Variants in KIN observed in about 807,000 individuals in gnomAD.
KIN encodes DNA/RNA-binding protein KIN17.
A neutral mutation model predicts 63.0 loss-of-function variants in KIN; 47 were observed. That is an observed-to-expected ratio of 0.75 (90% CI 0.59 to 0.95). The LOEUF (loss-of-function observed/expected upper bound fraction) is 0.95, where lower values mean the gene tolerates loss of function less well. KIN is among the 40% of genes least tolerant of loss of function. The pLI is 0.00. For synonymous variants in KIN, 160 were observed against 157.7 expected (o/e 1.01, Z -0.11); for missense variants, 408 against 460.9 (o/e 0.89, Z 1.05).
At chr10:7,756,387 A>T (rs7073356) in intron 12 of KIN, among the ~76,000 whole-genome samples, 125,959 of 152,224 alleles carry the variant, frequency 0.83, 52,212 homozygotes, top group East Asian at 0.87. Flanking sequence ...AGAGACCTGC[A>T]AGCTGTTCAG....
At chr10:7,759,864 TTC>T (rs762440681) in intron 12 of KIN, 24 bp downstream of exon 12, 1 of 1,120,890 alleles carries the variant, frequency 8.9e-7, no homozygotes, top group Admixed American at 2.1e-5. Flanking sequence ...ATTTTGAAAT[TTC>T]TGTCTTTGTG....
Position 7,752,871 on chromosome 10 carries a change from A to G in KIN, c.*3209T>C, listed in dbSNP as rs1010098832. ...TCCAACTATATGACCTTCGATGGAG[A>G]CAAAACTAGGGAGACAGTAAAAAGA... On this transcript the variant is annotated 3_prime_UTR_variant, in exon 13 of 13. Transcript: ENST00000379562. 5.9e-5 allele frequency: 9 copies of G among 152,224 alleles called. No homozygotes were observed. The highest frequency in any genetic ancestry group is 2.2e-4 in the African/African-American group (9 of 41,456). The allele number at this position is 152,224 out of a possible 1,614,324, so 9.4% of individuals were successfully genotyped here.
At chr10:7,786,500 C>G (rs1836010589) in intron 1 of KIN, among the ~76,000 whole-genome samples, 1 of 151,858 alleles carries the variant, frequency 6.6e-6, no homozygotes, top group Non-Finnish European at 1.5e-5. Flanking sequence ...CCCTAACCCC[C>G]AAGGGAATGG....
intron 8 of KIN, 102 bp downstream of exon 8, chr10:7,769,114 G>A (rs935011838): frequency 1.4e-5 from 16 of 1,120,228 alleles, no homozygotes; most frequent in African/African-American, 1.4e-4. Context: ...TCCCTAGTCC[G>A]TACATGATAA....
At chr10:7,784,506 T>C (rs1171786757) in intron 1 of KIN, among the ~76,000 whole-genome samples, 1 of 151,988 alleles carries the variant, frequency 6.6e-6, no homozygotes, top group Non-Finnish European at 1.5e-5. Flanking sequence ...GAGGATTGCT[T>C]AAGCCCAGGA....
chr10:7,771,176 G>A (rs913823028), intron 7 of KIN, among the ~76,000 whole-genome samples: 3 of 152,112 alleles, frequency 2.0e-5, no homozygotes, highest in Non-Finnish European at 2.9e-5. Context: ...CTACTTAAAT[G>A]TTCTTTAGAT....
chr10:7,772,008 A>T (rs1471757986), intron 7 of KIN, among the ~76,000 whole-genome samples: 1 of 152,144 alleles, frequency 6.6e-6, no homozygotes, highest in African/African-American at 2.4e-5. Context: ...GCAAGATCTC[A>T]GGGTGATGTA....
chr10:7,758,140 T>G (rs1265824160), intron 12 of KIN, among the ~76,000 whole-genome samples: 2 of 151,374 alleles, frequency 1.3e-5, no homozygotes, highest in Non-Finnish European at 2.9e-5. Flanking sequence ...TGGCGCAATC[T>G]TGGCTCACTG....
At position 7,787,966 on chromosome 10, in the gene KIN, C is replaced by T. The variant is rs761015073; in HGVS notation, c.-33G>A. On this transcript the variant is annotated 5_prime_UTR_variant, in exon 1 of 13. Transcript: ENST00000379562. ...ACGGCAGCGATCACTTTCTGGACCC[C>T]AGTACTCAGCCAGCCGGAAACGGAA... is the stretch of plus-strand genomic sequence containing the variant. 12 of 1,521,778 alleles carry T rather than the reference C, an allele frequency of 7.9e-6. No individual in the cohort carries two copies. In the East Asian group the frequency reaches 2.5e-4, roughly 31 times the overall value. The allele number at this position is 1,521,778 out of a possible 1,614,324, so 94.3% of individuals were successfully genotyped here.
intron 2 of KIN, among the ~76,000 whole-genome samples, chr10:7,780,566 G>GT (rs2131029053): frequency 6.6e-6 from 1 of 152,004 alleles, no homozygotes; most frequent in South Asian, 2.1e-4. Context: ...GGCTAATTTT[G>GT]TTTCGTATTT....
intron 7 of KIN, among the ~76,000 whole-genome samples, chr10:7,773,078 C>T (rs1391938256): frequency 6.6e-6 from 1 of 152,184 alleles, no homozygotes; most frequent in African/African-American, 2.4e-5. Context: ...TTTGAAGATG[C>T]TCGTCTTAAA....
At position 7,752,259 on chromosome 10, in the gene KIN, C is replaced by CA. The variant is rs1835256405; in HGVS notation, c.*3820dup. 6.6e-6 allele frequency: 1 copy of CA among 152,058 alleles called. No homozygotes were observed. Among genetic ancestry groups the CA allele is most frequent in the Non-Finnish European group, 1.5e-5 (1 of 68,006 alleles). 9.4% of individuals were successfully genotyped at this position (152,058 alleles called of 1,614,324 possible). A position where few individuals can be genotyped will look rare whatever the true frequency, so the allele number is the denominator to read the frequency against. On this transcript the variant is annotated 3_prime_UTR_variant, in exon 13 of 13. Transcript: ENST00000379562. ...ATGAGTAACCCAATTAAATAATGGG[C>CA]AAAAAACCTGAAAGACATCTCACCA...
rs959354985 is a variant in KIN, at chr10:7,754,173, T to G, written c.*1907A>C. 6.8e-6 allele frequency: 3 copies of G among 440,148 alleles called. No homozygotes were observed. The highest frequency in any genetic ancestry group is 4.1e-5 in the African/African-American group (2 of 49,164). 27.3% of individuals were successfully genotyped at this position (440,148 alleles called of 1,614,324 possible). On this transcript the variant is annotated 3_prime_UTR_variant, in exon 13 of 13. Coordinates refer to ENST00000379562, the MANE Select transcript of KIN (RefSeq NM_012311.4). The stretch of plus-strand genomic sequence containing the variant: ...AGCAAGACCTCATCTCTACTAAAAA[T>G]CAAAAAAATTAGCCAGGCATGGTAG...
chr10:7,785,518 C>A (rs567572922), intron 1 of KIN, among the ~76,000 whole-genome samples: 1 of 152,042 alleles, frequency 6.6e-6, no homozygotes, highest in South Asian at 2.1e-4. Flanking sequence ...GACGGCTGGG[C>A]GCAGTGGTTC....
chr10:7,754,289 T>G lies in KIN; in HGVS notation c.*1791A>C, dbSNP rs1835288699. ...GGACGAGGCTGCAGTGAGCCATGAT[T>G]GTGCCACTGCACTCCAGGCTGGATG... On this transcript the variant is annotated 3_prime_UTR_variant, in exon 13 of 13. Coordinates refer to ENST00000379562, the MANE Select transcript of KIN (RefSeq NM_012311.4). The G allele has an allele frequency of 2.9e-6, 1 of 341,198 alleles. No individual in the cohort carries two copies. Among genetic ancestry groups the G allele is most frequent in the Admixed American group, 3.9e-5 (1 of 25,894 alleles). 21.1% of individuals were successfully genotyped at this position (341,198 alleles called of 1,614,324 possible).
chr10:7,787,215 T>C (rs1249828476), intron 1 of KIN, among the ~76,000 whole-genome samples: 2 of 152,340 alleles, frequency 1.3e-5, no homozygotes, highest in South Asian at 4.1e-4. Context: ...TAAAGGGGAA[T>C]ATAAGTAAAT....
At chr10:7,768,238 G>A (rs1481242515) in intron 8 of KIN, among the ~76,000 whole-genome samples, 1 of 152,072 alleles carries the variant, frequency 6.6e-6, no homozygotes, top group Non-Finnish European at 1.5e-5. Flanking sequence ...TGTCACACTA[G>A]GCCAGGTGCA....
intron 1 of KIN, among the ~76,000 whole-genome samples, chr10:7,784,795 T>C (rs1835965950): frequency 6.6e-6 from 1 of 152,198 alleles, no homozygotes; most frequent in Non-Finnish European, 1.5e-5. Flanking sequence ...TATATAGGTA[T>C]GATTTCTAAG....
intron 7 of KIN, among the ~76,000 whole-genome samples, chr10:7,771,970 T>C (rs1204004554): frequency 4.7e-5 from 7 of 148,028 alleles, no homozygotes; most frequent in Non-Finnish European, 6.0e-5. Context: ...GTGACAATAA[T>C]GGGGAAAAAG....
Sources: allele counts gnomAD v4.1 joint callset (sites outside exome capture counted in the v4.1 genomes callset), GRCh38; gene constraint gnomAD v4.1.1; transcripts MANE v1.5; gene names NCBI Gene and HGNC (gene_info 2026-07-23, HGNC 2026-07-21).